The following GFI1B variants were observed in gnomAD, a reference collection of about 807,000 sequenced individuals.
GFI1B encodes the protein zinc finger protein Gfi-1b.
Under a neutral mutation model 35.3 loss-of-function variants are expected in GFI1B, and 20 were observed. The observed-to-expected ratio is 0.57, with a 90% CI of 0.40 to 0.82. The LOEUF (loss-of-function observed/expected upper bound fraction) is 0.82, where lower values mean the gene tolerates loss of function less well. Among genes scored for constraint, GFI1B ranks in the 40% least tolerant of loss-of-function variants. The pLI is 0.00. For missense variants in GFI1B, 430 were observed against 446.3 expected (o/e 0.96, Z 0.33); for synonymous variants, 178 against 177.6 (o/e 1.00, Z -0.02).
chr9:132,958,962 G>A (rs146683720), intron 1 of GFI1B, among the ~76,000 whole-genome samples: 1,673 of 152,280 alleles, frequency 0.011, 24 homozygotes, highest in Non-Finnish European at 0.011. Context: ...CTCTGGTGAG[G>A]ACAGAGAGGG....
chr9:132,983,257 T>C (rs1221902125), intron 1 of GFI1B, among the ~76,000 whole-genome samples: 3 of 140,300 alleles, frequency 2.1e-5, no homozygotes, highest in East Asian at 4.4e-4. Context: ...GCAGTGGTGG[T>C]GTGATCTCGG....
chr9:132,979,103 T>C (rs1848720447), intron 1 of GFI1B, among the ~76,000 whole-genome samples: 1 of 152,290 alleles, frequency 6.6e-6, no homozygotes, highest in South Asian at 2.1e-4. Context: ...AGACGTCACC[T>C]TCGGGCACAA....
At chr9:132,969,002 C>A (rs1194492628) in intron 1 of GFI1B, among the ~76,000 whole-genome samples, 2 of 151,976 alleles carry the variant, frequency 1.3e-5, no homozygotes, top group Non-Finnish European at 2.9e-5. Context: ...CCCTGGCAAC[C>A]ACCATTCCAC....
chr9:132,980,215 G>A (rs1848773822), intron 1 of GFI1B, among the ~76,000 whole-genome samples: 1 of 152,166 alleles, frequency 6.6e-6, no homozygotes, highest in Admixed American at 6.5e-5. Context: ...CTTTCAGCGG[G>A]GCAGGGTAGG....
At position 132,984,370 on chromosome 9, in the gene GFI1B, C is replaced by T. The variant is rs139328356; in HGVS notation, c.-20-2289C>T. On this transcript the variant is annotated intron_variant, in intron 1 of 6. Coordinates refer to ENST00000372122, the MANE Select transcript of GFI1B (RefSeq NM_001377304.1). ...GGAGGCAAGAGGAGGAAGACGTGTC[C>T]CTGGGAGATAAGGCCGTGGGCTGCC... is the stretch of plus-strand genomic sequence containing the variant. 8.0e-3 allele frequency among the ~76,000 whole-genome samples: 1,219 copies of T among 152,166 alleles called. 9 individuals are homozygous for T. The highest frequency in any genetic ancestry group is 0.012 in the Non-Finnish European group (784 of 67,988).
chr9:132,985,652 C>T (rs1201222139), intron 1 of GFI1B, among the ~76,000 whole-genome samples: 1 of 152,172 alleles, frequency 6.6e-6, no homozygotes, highest in Non-Finnish European at 1.5e-5. Flanking sequence ...CCCTCGTTTG[C>T]TGCAGCTTCT....
chr9:132,964,961 AT>A (rs1848428099), intron 1 of GFI1B, among the ~76,000 whole-genome samples: 1 of 151,676 alleles, frequency 6.6e-6, no homozygotes, highest in Non-Finnish European at 1.5e-5. Context: ...GCTGGTCCTC[AT>A]TTTTTCTTTA....
chr9:132,982,366 C>T (rs536269213), intron 1 of GFI1B, among the ~76,000 whole-genome samples: 1 of 152,314 alleles, frequency 6.6e-6, no homozygotes, highest in South Asian at 2.1e-4. Context: ...AAAGGGGCCT[C>T]ATTACAGGGA....
chr9:132,962,601 A>G, intron 1 of GFI1B: 1 of 506,392 alleles, frequency 2.0e-6, no homozygotes. Flanking sequence ...ATCAGATGAA[A>G]ACTGGTAATC....
chr9:132,958,288 G>A (rs1848313125), intron 1 of GFI1B, among the ~76,000 whole-genome samples: 1 of 152,250 alleles, frequency 6.6e-6, no homozygotes, highest in Non-Finnish European at 1.5e-5. Context: ...GGCCGTTCTT[G>A]CGTTGCTACA....
At chr9:132,988,530 CT>C in intron 4 of GFI1B, 62 bp downstream of exon 4, 1 of 1,464,280 alleles carries the variant, frequency 6.8e-7, no homozygotes, top group Non-Finnish European at 9.5e-7. Flanking sequence ...TCTCAACTCA[CT>C]GGCAGCTCTG....
chr9:132,986,779 G>A lies in GFI1B; in HGVS notation c.100+1G>A, dbSNP rs757520760. On this transcript the variant is annotated splice_donor_variant, in intron 2 of 6. Transcript: ENST00000372122. LOFTEE classifies it high-confidence loss of function. Reference sequence around the variant, plus strand: ...CTCTGGCCTCCTGCCCTTACCCCGGGTGAGTCAGAGCCCGGGCTGGCGCCT... The same window carrying A: ...CTCTGGCCTCCTGCCCTTACCCCGGATGAGTCAGAGCCCGGGCTGGCGCCT... 1.2e-5 allele frequency: 19 copies of A among 1,600,070 alleles called. No individual in the cohort carries two copies. In the East Asian group the frequency reaches 3.6e-4, roughly 30 times the overall value.
At chr9:132,984,848 G>A (rs956367087) in intron 1 of GFI1B, among the ~76,000 whole-genome samples, 9 of 152,086 alleles carry the variant, frequency 5.9e-5, no homozygotes, top group African/African-American at 1.9e-4. Context: ...GGGCATAGTC[G>A]GGTCCCTCTT....
intron 1 of GFI1B, among the ~76,000 whole-genome samples, chr9:132,982,663 A>C (rs1848868650): frequency 2.6e-5 from 4 of 152,070 alleles, no homozygotes. Context: ...GTGGTTGTTA[A>C]TTAACTACAG....
intron 2 of GFI1B, among the ~76,000 whole-genome samples, chr9:132,972,904 C>T (rs996801940): frequency 6.6e-6 from 1 of 152,166 alleles, no homozygotes; most frequent in Admixed American, 6.5e-5. Context: ...CTGCAGCCCC[C>T]GGTAAGGAGC....
intron 1 of GFI1B, among the ~76,000 whole-genome samples, chr9:132,982,074 A>G (rs183142360): frequency 6.6e-6 from 1 of 152,274 alleles, no homozygotes; most frequent in East Asian, 1.9e-4. Flanking sequence ...TTTAAACATA[A>G]AGGAAGTCAA....
chr9:132,975,176 T>C (rs985575910), upstream of GFI1B: 1 of 152,190 alleles, frequency 6.6e-6, no homozygotes, highest in African/African-American at 2.4e-5. Flanking sequence ...GGAGTATTGA[T>C]CTCTGAAGCT....
chr9:132,969,648 G>T (rs2905072), intron 1 of GFI1B, among the ~76,000 whole-genome samples: 1 of 152,082 alleles, frequency 6.6e-6, no homozygotes, highest in Non-Finnish European at 1.5e-5. Flanking sequence ...GTCTATACCC[G>T]TGCGTGGGAT....
chr9:132,960,677 AT>A (rs373283577), intron 1 of GFI1B, among the ~76,000 whole-genome samples: 268 of 151,466 alleles, frequency 1.8e-3, no homozygotes, highest in African/African-American at 6.2e-3. Flanking sequence ...TTTTATTTTT[AT>A]TTTTTTAGAG....
Sources: gnomAD v4.1 joint callset for allele counts (sites outside exome capture counted in the v4.1 genomes callset) on GRCh38, gnomAD v4.1.1 for gene constraint, MANE v1.5 for transcripts, NCBI Gene and HGNC (gene_info 2026-07-23, HGNC 2026-07-21) for gene names.